Variants in NXPH1 observed in about 807,000 individuals in gnomAD.
NXPH1 encodes neurexophilin 1.
NXPH1 carries 5 observed loss-of-function variants against 23.7 expected under a neutral mutation model. That is an observed-to-expected ratio of 0.21 (90% confidence interval 0.11 to 0.44). The LOEUF (loss-of-function observed/expected upper bound fraction) is 0.44, where lower values mean the gene tolerates loss of function less well. NXPH1 is among the 20% of genes least tolerant of loss of function. The pLI is 0.99. For missense variants in NXPH1, 324 were observed against 321.6 expected (o/e 1.01, Z -0.06); for synonymous variants, 144 against 122.2 (o/e 1.18, Z -1.18).
At chr7:8,612,230 T>TA (rs1245381213) in intron 2 of NXPH1, among the ~76,000 whole-genome samples, 1 of 151,848 alleles carries the variant, frequency 6.6e-6, no homozygotes, top group Non-Finnish European at 1.5e-5. Context: ...TTCTTTTTTT[T>TA]ACATTCTCCC....
At chr7:8,740,920 C>G (rs963973424) in intron 2 of NXPH1, among the ~76,000 whole-genome samples, 1 of 152,250 alleles carries the variant, frequency 6.6e-6, no homozygotes. Context: ...GAGAACTCTC[C>G]TACTCTCTTA....
At chr7:8,732,358 G>C (rs1018188724) in intron 2 of NXPH1, among the ~76,000 whole-genome samples, 2 of 152,194 alleles carry the variant, frequency 1.3e-5, no homozygotes, top group Non-Finnish European at 2.9e-5. Flanking sequence ...GGCCATCTTG[G>C]CTCCTTCGCC....
intron 2 of NXPH1, among the ~76,000 whole-genome samples, chr7:8,451,790 T>G (rs1225844441): frequency 1.3e-5 from 2 of 152,236 alleles, no homozygotes; most frequent in African/African-American, 4.8e-5. Flanking sequence ...GATTCAATGT[T>G]CAAATGGCTG....
At chr7:8,659,570 C>T (rs1235054280) in intron 2 of NXPH1, among the ~76,000 whole-genome samples, 4 of 151,982 alleles carry the variant, frequency 2.6e-5, no homozygotes, top group African/African-American at 4.8e-5. Flanking sequence ...CATCACACAC[C>T]GGGGCCTGTC....
intron 2 of NXPH1, among the ~76,000 whole-genome samples, chr7:8,655,104 G>A (rs1043199397): frequency 5.3e-5 from 8 of 152,056 alleles, no homozygotes; most frequent in African/African-American, 1.9e-4. Context: ...AATACAGGTG[G>A]CTGGGCGAAG....
chr7:8,684,055 G>A (rs945833509), intron 2 of NXPH1, among the ~76,000 whole-genome samples: 2 of 152,132 alleles, frequency 1.3e-5, no homozygotes, highest in African/African-American at 4.8e-5. Flanking sequence ...TGAAAGAACT[G>A]TATCATGTTT....
intron 2 of NXPH1, among the ~76,000 whole-genome samples, chr7:8,618,480 T>C (rs114508517): frequency 3.2e-3 from 488 of 152,300 alleles, no homozygotes; most frequent in African/African-American, 0.011. Flanking sequence ...ACTTTGTATA[T>C]AAGAGCTCAA....
intron 2 of NXPH1, among the ~76,000 whole-genome samples, chr7:8,610,292 G>GA (rs1217866402): frequency 6.6e-6 from 1 of 152,126 alleles, no homozygotes; most frequent in African/African-American, 2.4e-5. Context: ...CATAGCACAA[G>GA]AATGTTGAAT....
intron 2 of NXPH1, among the ~76,000 whole-genome samples, chr7:8,473,788 G>A (rs1281967978): frequency 6.6e-6 from 1 of 151,434 alleles, no homozygotes; most frequent in Admixed American, 6.6e-5. Flanking sequence ...GACCAGCAAT[G>A]ATAGACCTTC....
chr7:8,517,365 A>G (rs1318884573), intron 2 of NXPH1, among the ~76,000 whole-genome samples: 3 of 152,048 alleles, frequency 2.0e-5, no homozygotes, highest in Non-Finnish European at 4.4e-5. Context: ...TGGAGGACAT[A>G]TGTGGAGGAC....
chr7:8,482,742 A>T (rs1249572440), intron 2 of NXPH1, among the ~76,000 whole-genome samples: 1 of 152,136 alleles, frequency 6.6e-6, no homozygotes, highest in Non-Finnish European at 1.5e-5. Context: ...GTTAGCCCAC[A>T]TGTTGAATCC....
At chr7:8,693,884 T>A (rs979083926) in intron 2 of NXPH1, among the ~76,000 whole-genome samples, 2 of 152,182 alleles carry the variant, frequency 1.3e-5, no homozygotes, top group Non-Finnish European at 2.9e-5. Flanking sequence ...CTCTTTTCAC[T>A]CTAAAAGTGT....
intron 2 of NXPH1, among the ~76,000 whole-genome samples, chr7:8,452,123 G>A (rs1816517066): frequency 6.6e-6 from 1 of 152,164 alleles, no homozygotes; most frequent in South Asian, 2.1e-4. Context: ...CCCGGAAATG[G>A]AACTTTGTCA....
Position 8,636,048 on chromosome 7 carries a change from T to C in NXPH1, c.55-114960T>C, listed in dbSNP as rs117215442. The stretch of plus-strand genomic sequence containing the variant: ...AAGTTTTTCTTTCTCTCTTTTATTT[T>C]TATTGAAGTTGGACTGCAGCCTGCA... On this transcript the variant is annotated intron_variant, in intron 2 of 2. Coordinates refer to ENST00000405863, the MANE Select transcript of NXPH1 (RefSeq NM_152745.3). Among the ~76,000 whole-genome samples, 4 of 152,318 alleles carry C rather than the reference T, an allele frequency of 2.6e-5. No homozygotes were observed. The East Asian group carries it at 7.7e-4, about 29-fold the overall frequency.
At chr7:8,740,283 G>A (rs563481669) in intron 2 of NXPH1, among the ~76,000 whole-genome samples, 218 of 152,260 alleles carry the variant, frequency 1.4e-3, no homozygotes, top group Non-Finnish European at 2.5e-3. Flanking sequence ...AAGGAAATAA[G>A]TGCATATCCT....
chr7:8,665,919 T>G (rs1370420064), intron 2 of NXPH1, among the ~76,000 whole-genome samples: 3 of 22,496 alleles, frequency 1.3e-4, no homozygotes, highest in Admixed American at 1.2e-3. Flanking sequence ...TTTCTTTTTC[T>G]TTTTTTTTTT....
intron 2 of NXPH1, among the ~76,000 whole-genome samples, chr7:8,536,176 A>T (rs917385544): frequency 6.6e-6 from 1 of 151,988 alleles, no homozygotes; most frequent in African/African-American, 2.4e-5. Flanking sequence ...TCTTTCTTCT[A>T]TCCTTGTGGA....
rs144444389 is a variant in NXPH1 at position 8,513,181 on chromosome 7, C to T, written c.54+77414C>T. Among the ~76,000 whole-genome samples the T allele has an allele frequency of 1.8e-3, 273 of 151,934 alleles. 1 individual carries two copies. Among genetic ancestry groups the T allele is most frequent in the African/African-American group, 5.9e-3 (244 of 41,436 alleles). On this transcript the variant is annotated intron_variant, in intron 2 of 2. Transcript: ENST00000405863. ...GGGACTGGTGGTCTTTGAATGGGGT[C>T]ATGAACATGGAATAGGAATTTTACA... is the stretch of plus-strand genomic sequence containing the variant.
chr7:8,443,025 A>G (rs1053120683), intron 2 of NXPH1, among the ~76,000 whole-genome samples: 2 of 152,226 alleles, frequency 1.3e-5, no homozygotes, highest in South Asian at 2.1e-4. Context: ...TGCCAGCAGT[A>G]GGGCCTGCCT....
Sources: allele counts gnomAD v4.1 joint callset (sites outside exome capture counted in the v4.1 genomes callset), GRCh38; gene constraint gnomAD v4.1.1; transcripts MANE v1.5; gene names NCBI Gene and HGNC (gene_info 2026-07-23, HGNC 2026-07-21).